Variants in SNTG2 observed in about 807,000 individuals in gnomAD.
SNTG2 encodes gamma-2-syntrophin.
Under a neutral mutation model 70.9 loss-of-function variants are expected in SNTG2, and 74 were observed. That is an observed-to-expected ratio of 1.04 (90% CI 0.86 to 1.27). SNTG2 has a LOEUF of 1.27. Among genes scored for constraint, SNTG2 ranks in the 50% most tolerant of loss-of-function variants. The probability of loss-of-function intolerance (pLI) is 0.00; values close to 1 mark genes in which losing one functional copy is unlikely to be tolerated. For missense variants in SNTG2, 717 were observed against 690.7 expected (o/e 1.04, Z -0.43); for synonymous variants, 278 against 273.8 (o/e 1.02, Z -0.15).
rs148700594 is a variant in SNTG2, at chr2:1,215,422, A to G, written c.719+6192A>G. On this transcript the variant is annotated intron_variant, in intron 9 of 16. Transcript: ENST00000308624. ...TTTGTTAATTATTATTACTGATTTG[A>G]TCTCCTTACCTGTTATTAGTTTATT... 5.7e-3 allele frequency among the ~76,000 whole-genome samples: 860 copies of G among 151,814 alleles called. 9 individuals carry two copies. Among genetic ancestry groups the G allele is most frequent in the African/African-American group, 0.02 (825 of 41,404 alleles).
intron 14 of SNTG2, among the ~76,000 whole-genome samples, chr2:1,279,927 AC>A (rs1396233792): frequency 2.6e-5 from 4 of 152,192 alleles, no homozygotes; most frequent in Non-Finnish European, 4.4e-5. Flanking sequence ...AAGTCACTGA[AC>A]CTTCCTAAGA....
intron 14 of SNTG2, among the ~76,000 whole-genome samples, chr2:1,293,368 A>G (rs567343505): frequency 5.9e-5 from 9 of 151,824 alleles, no homozygotes; most frequent in Non-Finnish European, 1.0e-4. Context: ...TTTCTTCTTT[A>G]ATCTTTATTA....
intron 1 of SNTG2, among the ~76,000 whole-genome samples, chr2:1,042,234 T>C (rs1009938984): frequency 9.2e-5 from 14 of 152,238 alleles, no homozygotes. Flanking sequence ...TTGTCAAGTT[T>C]CAAACTAATT....
intron 1 of SNTG2, among the ~76,000 whole-genome samples, chr2:1,035,556 C>T (rs1033946945): frequency 7.9e-5 from 12 of 152,156 alleles, no homozygotes; most frequent in African/African-American, 2.2e-4. Flanking sequence ...TGTACTTCAG[C>T]GGCCGGTGTT....
chr2:1,334,443 G>A (rs1000610290), intron 16 of SNTG2, among the ~76,000 whole-genome samples: 4 of 152,028 alleles, frequency 2.6e-5, no homozygotes, highest in Non-Finnish European at 4.4e-5. Context: ...CCACTATTGG[G>A]TATCTACCCA....
At chr2:991,581 A>G (rs1021496616) in intron 1 of SNTG2, among the ~76,000 whole-genome samples, 1 of 152,144 alleles carries the variant, frequency 6.6e-6, no homozygotes, top group Non-Finnish European at 1.5e-5. Flanking sequence ...GATGTGAGGC[A>G]TGTTTTTTGC....
intron 14 of SNTG2, among the ~76,000 whole-genome samples, chr2:1,271,786 G>A (rs189965234): frequency 6.6e-6 from 1 of 152,234 alleles, no homozygotes; most frequent in Admixed American, 6.5e-5. Flanking sequence ...CCTAGGTCAT[G>A]AGCCCATCAG....
At chr2:1,081,007 C>A (rs1036978394) in intron 1 of SNTG2, among the ~76,000 whole-genome samples, 5 of 152,102 alleles carry the variant, frequency 3.3e-5, no homozygotes, top group African/African-American at 4.8e-5. Context: ...GCGTGAGAAC[C>A]ATGGCCCCAG....
intron 4 of SNTG2, among the ~76,000 whole-genome samples, chr2:1,108,989 T>C (rs113095058): frequency 7.1e-4 from 41 of 57,804 alleles, no homozygotes; most frequent in Middle Eastern, 0.01. Context: ...AGTGGACACA[T>C]GCTGTCACTC....
At chr2:1,210,073 G>T (rs1306376767) in intron 9 of SNTG2, among the ~76,000 whole-genome samples, 3 of 152,144 alleles carry the variant, frequency 2.0e-5, no homozygotes, top group Non-Finnish European at 4.4e-5. Flanking sequence ...TCCTTAAATG[G>T]AAGGAAAAGT....
At chr2:1,132,665 C>G (rs1467162708) in intron 4 of SNTG2, among the ~76,000 whole-genome samples, 1 of 152,142 alleles carries the variant, frequency 6.6e-6, no homozygotes, top group African/African-American at 2.4e-5. Flanking sequence ...GGCTGCAGGT[C>G]CGCCGCTGTT....
At chr2:1,354,777 G>T (rs1311689522) in intron 16 of SNTG2, among the ~76,000 whole-genome samples, 1 of 152,188 alleles carries the variant, frequency 6.6e-6, no homozygotes, top group African/African-American at 2.4e-5. Flanking sequence ...GTTTCCACCT[G>T]AAGGGTGTCG....
intron 12 of SNTG2, among the ~76,000 whole-genome samples, chr2:1,249,746 G>T (rs1294091374): frequency 6.6e-6 from 1 of 152,210 alleles, no homozygotes; most frequent in Non-Finnish European, 1.5e-5. Context: ...AAATCCTAAT[G>T]TATCTAAATT....
intron 4 of SNTG2, among the ~76,000 whole-genome samples, chr2:1,116,218 G>A (rs1299393227): frequency 2.0e-5 from 3 of 152,182 alleles, no homozygotes; most frequent in South Asian, 4.1e-4. Context: ...CTGAGAAGCA[G>A]AGCTATCGAT....
intron 9 of SNTG2, among the ~76,000 whole-genome samples, chr2:1,228,376 CCT>C (rs1374661527): frequency 6.6e-6 from 1 of 152,200 alleles, no homozygotes; most frequent in Non-Finnish European, 1.5e-5. Context: ...GGGAGGAGCG[CCT>C]CTCTCTCACC....
intron 16 of SNTG2, among the ~76,000 whole-genome samples, chr2:1,324,659 C>T (rs990960214): frequency 3.3e-5 from 5 of 152,194 alleles, no homozygotes; most frequent in Non-Finnish European, 7.3e-5. Flanking sequence ...AATTTTCTCT[C>T]TCCAGTCCCC....
At chr2:989,505 A>G (rs991643716) in intron 1 of SNTG2, among the ~76,000 whole-genome samples, 1 of 152,186 alleles carries the variant, frequency 6.6e-6, no homozygotes, top group Non-Finnish European at 1.5e-5. Flanking sequence ...GGTGTATCAC[A>G]TTGATTTTCA....
At position 1,063,379 on chromosome 2, in the gene SNTG2, A is replaced by G. The variant is rs531361534; in HGVS notation, c.73-20139A>G. 7.4e-4 allele frequency among the ~76,000 whole-genome samples: 112 copies of G among 152,258 alleles called. 2 individuals are homozygous for G. The South Asian group carries it at 0.019, about 26-fold the overall frequency. ...AGGAGCATTTGCCCACCAGCCCTTC[A>G]AAGAAGCAGGAGGCATTTGCAGAAG... On this transcript the variant is annotated intron_variant, in intron 1 of 16. Coordinates refer to ENST00000308624, the MANE Select transcript of SNTG2 (RefSeq NM_018968.4).
intron 2 of SNTG2, among the ~76,000 whole-genome samples, chr2:1,093,969 T>C (rs28712307): frequency 0.054 from 1,965 of 36,528 alleles, 8 homozygotes; most frequent in African/African-American, 0.14. Context: ...TGGCAAGGGC[T>C]GGCTTCCTGG....
Sources: gnomAD v4.1 joint callset for allele counts (sites outside exome capture counted in the v4.1 genomes callset) on GRCh38, gnomAD v4.1.1 for gene constraint, MANE v1.5 for transcripts, NCBI Gene and HGNC (gene_info 2026-07-23, HGNC 2026-07-21) for gene names.